The following FUT8 variants were observed in gnomAD, a reference collection of about 807,000 sequenced individuals.
FUT8 encodes fucosyltransferase 8, also known as alpha-(1,6)-fucosyltransferase.
FUT8 carries 29 observed loss-of-function variants against 71.3 expected under a neutral mutation model. That is an observed-to-expected ratio of 0.41 (90% CI 0.30 to 0.55). The LOEUF (loss-of-function observed/expected upper bound fraction) is 0.55, where lower values mean the gene tolerates loss of function less well. Ranked by LOEUF, FUT8 falls within the 20% of genes least tolerant of loss-of-function variation. The pLI is 0.34. For missense variants in FUT8, 544 were observed against 702.1 expected (o/e 0.77, Z 2.55); for synonymous variants, 254 against 239.3 (o/e 1.06, Z -0.57).
At chr14:65,451,205 G>T (rs2065818486) in intron 1 of FUT8, among the ~76,000 whole-genome samples, 1 of 152,240 alleles carries the variant, frequency 6.6e-6, no homozygotes, top group Non-Finnish European at 1.5e-5. Context: ...CAAGTGAACG[G>T]GTGTGGGAAT....
intron 7 of FUT8, among the ~76,000 whole-genome samples, chr14:65,695,817 T>A (rs184935164): frequency 5.3e-4 from 81 of 152,258 alleles, no homozygotes; most frequent in African/African-American, 1.9e-3. Flanking sequence ...TGTCCTTTTT[T>A]ATCTTCCTCT....
At chr14:65,452,046 G>A (rs2065835578) in intron 1 of FUT8, among the ~76,000 whole-genome samples, 1 of 152,176 alleles carries the variant, frequency 6.6e-6, no homozygotes, top group African/African-American at 2.4e-5. Context: ...CCCCGTTCCT[G>A]TCAATAATAT....
intron 1 of FUT8, among the ~76,000 whole-genome samples, chr14:65,436,444 C>T (rs1174908848): frequency 1.3e-5 from 2 of 152,060 alleles, no homozygotes; most frequent in South Asian, 2.1e-4. Flanking sequence ...TCCTGGCTAA[C>T]ATGGTGAAAC....
At chr14:65,447,491 G>A (rs1228662127) in intron 1 of FUT8, among the ~76,000 whole-genome samples, 2 of 151,970 alleles carry the variant, frequency 1.3e-5, no homozygotes, top group Non-Finnish European at 2.9e-5. Flanking sequence ...GGAAAGGAAT[G>A]TTTTGACAAA....
intron 2 of FUT8, among the ~76,000 whole-genome samples, chr14:65,460,510 T>C (rs1378002922): frequency 6.6e-6 from 1 of 152,218 alleles, no homozygotes; most frequent in Non-Finnish European, 1.5e-5. Flanking sequence ...GAATTAGAGC[T>C]TGAGGAATCA....
chr14:65,741,957 A>G, intron 10 of FUT8, 136 bp from the exon 11 acceptor site: 1 of 641,910 alleles, frequency 1.6e-6, no homozygotes, highest in South Asian at 2.0e-5. Flanking sequence ...GAACAAATGG[A>G]CTGAAAGCTT....
At chr14:65,713,092 ACT>A (rs1230745340) in intron 7 of FUT8, among the ~76,000 whole-genome samples, 1 of 151,910 alleles carries the variant, frequency 6.6e-6, no homozygotes, top group Non-Finnish European at 1.5e-5. Context: ...GTCATTCTAC[ACT>A]CTATCTCCAA....
chr14:65,423,923 T>TAA (rs1298968328), intron 1 of FUT8, among the ~76,000 whole-genome samples: 2 of 152,214 alleles, frequency 1.3e-5, no homozygotes, highest in Non-Finnish European at 2.9e-5. Context: ...CATGAATTCT[T>TAA]TTTTTACAAT....
At chr14:65,564,968 C>A (rs1349149870) in intron 3 of FUT8, among the ~76,000 whole-genome samples, 1 of 151,882 alleles carries the variant, frequency 6.6e-6, no homozygotes, top group Non-Finnish European at 1.5e-5. Flanking sequence ...ATACCTGACA[C>A]TGGATAGTTT....
At chr14:65,498,385 C>T (rs1159411498) in intron 2 of FUT8, among the ~76,000 whole-genome samples, 2 of 152,100 alleles carry the variant, frequency 1.3e-5, no homozygotes, top group Admixed American at 1.3e-4. Flanking sequence ...CTCCAGTATC[C>T]ACTTTAATAA....
chr14:65,532,742 A>G (rs1884040017), intron 2 of FUT8, among the ~76,000 whole-genome samples: 1 of 152,150 alleles, frequency 6.6e-6, no homozygotes, highest in African/African-American at 2.4e-5. Flanking sequence ...GGTATTGCCT[A>G]CGTTGTATTC....
intron 9 of FUT8, among the ~76,000 whole-genome samples, chr14:65,727,603 C>T (rs972021063): frequency 6.6e-6 from 1 of 152,152 alleles, no homozygotes; most frequent in South Asian, 2.1e-4. Flanking sequence ...TTTTTTCCTC[C>T]TAAACCTCTG....
intron 3 of FUT8, among the ~76,000 whole-genome samples, chr14:65,587,775 G>A (rs910400270): frequency 1.3e-5 from 2 of 152,166 alleles, no homozygotes; most frequent in African/African-American, 2.4e-5. Flanking sequence ...AAAGGCAAAT[G>A]CATCCATGTA....
At chr14:65,726,159 T>G (rs1895676991) in intron 9 of FUT8, among the ~76,000 whole-genome samples, 1 of 152,252 alleles carries the variant, frequency 6.6e-6, no homozygotes, top group African/African-American at 2.4e-5. Context: ...TTTACCATGT[T>G]TCTTCAATTT....
intron 3 of FUT8, among the ~76,000 whole-genome samples, chr14:65,575,393 A>G (rs764117671): frequency 1.3e-5 from 2 of 152,140 alleles, no homozygotes; most frequent in Non-Finnish European, 2.9e-5. Flanking sequence ...TGTATACAGT[A>G]CATATGTAAT....
At chr14:65,530,222 G>A (rs938144972) in intron 2 of FUT8, among the ~76,000 whole-genome samples, 1 of 152,026 alleles carries the variant, frequency 6.6e-6, no homozygotes, top group African/African-American at 2.4e-5. Flanking sequence ...TTCTATTAGG[G>A]TTTCACCTCC....
In FUT8 at chr14:65,733,260, ACT is replaced by A. The variant is rs1472919961; in HGVS notation, c.1292_1293del (p.Ser431TyrfsTer46). On this transcript the variant is annotated frameshift_variant, in exon 10 of 11. Transcript: ENST00000673929. LOFTEE classifies it high-confidence loss of function. ...CCCAATTATGAATTTATTAGTGATAACTCTATTTCCTGGTCAGCTGGACTGCA... is the reference window on the plus strand; with the variant it reads ...CCCAATTATGAATTTATTAGTGATAACTATTTCCTGGTCAGCTGGACTGCA... 2 of 1,600,906 alleles carry A rather than the reference ACT, an allele frequency of 1.2e-6. No homozygotes were observed. The highest frequency in any genetic ancestry group is 1.1e-5 in the South Asian group (1 of 89,502).
At chr14:65,571,937 G>T (rs568647848) in intron 3 of FUT8, among the ~76,000 whole-genome samples, 1 of 152,228 alleles carries the variant, frequency 6.6e-6, no homozygotes, top group South Asian at 2.1e-4. Flanking sequence ...TTACACAGAA[G>T]ATAAAAGGTA....
intron 10 of FUT8, among the ~76,000 whole-genome samples, chr14:65,738,401 TG>T (rs1357126785): frequency 3.9e-5 from 6 of 152,086 alleles, no homozygotes; most frequent in Non-Finnish European, 8.8e-5. Context: ...TTCAGACTAA[TG>T]GATTCCTCCC....
Sources: gnomAD v4.1 joint callset for allele counts (sites outside exome capture counted in the v4.1 genomes callset) on GRCh38, gnomAD v4.1.1 for gene constraint, MANE v1.5 for transcripts, NCBI Gene and HGNC (gene_info 2026-07-23, HGNC 2026-07-21) for gene names.